Variants in OSBPL10 observed in about 807,000 individuals in gnomAD.
OSBPL10 encodes oxysterol-binding protein-related protein 10.
OSBPL10 carries 49 observed loss-of-function variants against 81.7 expected under a neutral mutation model. That is an observed-to-expected ratio of 0.60 (90% CI 0.48 to 0.76). The LOEUF is 0.76. Among genes scored for constraint, OSBPL10 ranks in the 30% least tolerant of loss-of-function variants. The probability of loss-of-function intolerance (pLI) is 0.00; values close to 1 mark genes in which losing one functional copy is unlikely to be tolerated. For missense variants in OSBPL10, 923 were observed against 987.8 expected (o/e 0.93, Z 0.88); for synonymous variants, 419 against 383.6 (o/e 1.09, Z -1.08).
chr3:31,869,753 T>G (rs1298348824), intron 3 of OSBPL10, among the ~76,000 whole-genome samples: 1 of 152,230 alleles, frequency 6.6e-6, no homozygotes, highest in African/African-American at 2.4e-5. Context: ...CAGCCTGTCA[T>G]TTAGGTTCAG....
chr3:31,788,368 T>C (rs1183588008), intron 4 of OSBPL10, among the ~76,000 whole-genome samples: 3 of 152,244 alleles, frequency 2.0e-5, no homozygotes, highest in African/African-American at 4.8e-5. Context: ...AAAGAAATGA[T>C]AGAAGCCTCA....
In OSBPL10 at chr3:31,830,058, C is replaced by G; in HGVS notation, c.711G>C (p.Gln237His). 1.2e-6 allele frequency: 2 copies of G among 1,613,314 alleles called. No homozygotes were observed. The highest frequency in any genetic ancestry group is 1.7e-6 in the Non-Finnish European group (2 of 1,179,846). ...ARRAKSQYSG[Q>H]LHEVREMMNQ... Reference sequence around the variant, plus strand: ...AGCCTACCTCTCTGACTTCGTGAAGCTGGCCGGAATACTGACTCTTGGCTC... The same window carrying G: ...AGCCTACCTCTCTGACTTCGTGAAGGTGGCCGGAATACTGACTCTTGGCTC... Residue 237 changes from glutamine (Q) to histidine (H), a missense_variant, in exon 4 of 12, where the codon CAG (glutamine) becomes CAC (histidine). Gln to His is a conservative substitution (Grantham distance 24). Coordinates refer to ENST00000396556, the MANE Select transcript of OSBPL10 (RefSeq NM_017784.5).
In OSBPL10 at chr3:32,039,573, C is replaced by T. The variant is rs1042771385; in HGVS notation, n.298+6918G>A. Among the ~76,000 whole-genome samples, 8 of 151,614 alleles carry T rather than the reference C, an allele frequency of 5.3e-5. No individual in the cohort carries two copies. The East Asian group carries it at 7.8e-4, about 15-fold the overall frequency. On this transcript the variant is annotated intron_variant and non_coding_transcript_variant, in intron 2 of 3. Coordinates refer to the OSBPL10 transcript ENST00000479173. The stretch of plus-strand genomic sequence containing the variant: ...TCCCGGGAGGCTAAGGCAGGAGAAT[C>T]GCTTGAACCTGGGAGGCAGAGATTG...
chr3:31,993,324 C>G (rs980474799), intron 2 of OSBPL10, among the ~76,000 whole-genome samples: 3 of 152,012 alleles, frequency 2.0e-5, no homozygotes, highest in African/African-American at 7.2e-5. Context: ...CTTCTCCTGC[C>G]TCAGCCTCCC....
chr3:31,909,829 G>T (rs754632073), intron 1 of OSBPL10, among the ~76,000 whole-genome samples: 2 of 152,020 alleles, frequency 1.3e-5, no homozygotes, highest in Non-Finnish European at 2.9e-5. Flanking sequence ...TAGCAGCTTT[G>T]AAACAAACCC....
intron 1 of OSBPL10, among the ~76,000 whole-genome samples, chr3:32,075,645 C>A (rs1219920111): frequency 6.6e-6 from 1 of 152,152 alleles, no homozygotes; most frequent in Non-Finnish European, 1.5e-5. Flanking sequence ...CACACAGCCC[C>A]TAATCCCGCT....
intron 4 of OSBPL10, among the ~76,000 whole-genome samples, chr3:31,812,748 AAG>A (rs1236887356): frequency 2.7e-4 from 10 of 37,718 alleles, no homozygotes; most frequent in African/African-American, 1.2e-3. Context: ...GAAAGAAAGA[AAG>A]AAAGAAAGAA....
chr3:31,801,629 T>G (rs139973451), intron 4 of OSBPL10, among the ~76,000 whole-genome samples: 1 of 152,272 alleles, frequency 6.6e-6, no homozygotes, highest in East Asian at 1.9e-4. Flanking sequence ...ACAAAAGATG[T>G]AGGTCCGTGT....
At chr3:31,892,671 CGG>C in intron 1 of OSBPL10, among the ~76,000 whole-genome samples, 1 of 152,156 alleles carries the variant, frequency 6.6e-6, no homozygotes, top group Non-Finnish European at 1.5e-5. Context: ...CAATGCTGAC[CGG>C]TAGTTCGACT....
At chr3:31,708,236 C>T (rs1022538375) in intron 6 of OSBPL10, among the ~76,000 whole-genome samples, 3 of 152,192 alleles carry the variant, frequency 2.0e-5, no homozygotes, top group Non-Finnish European at 2.9e-5. Context: ...CTGCACCCGA[C>T]CTTCAGTTCT....
At chr3:31,894,297 A>G (rs1695993169) in intron 1 of OSBPL10, among the ~76,000 whole-genome samples, 1 of 152,216 alleles carries the variant, frequency 6.6e-6, no homozygotes. Context: ...AAAGAGGAAC[A>G]AGGAGGACAA....
At chr3:31,736,772 C>T (rs77077264) in intron 5 of OSBPL10, among the ~76,000 whole-genome samples, 2,528 of 152,302 alleles carry the variant, frequency 0.017, 38 homozygotes, top group South Asian at 0.044. Context: ...CTGTTGTACA[C>T]GCCTGTAGTC....
intron 4 of OSBPL10, among the ~76,000 whole-genome samples, chr3:31,755,126 G>C (rs957761807): frequency 5.9e-5 from 9 of 152,148 alleles, no homozygotes; most frequent in Admixed American, 5.2e-4. Context: ...GGGACAGAAA[G>C]AGCTTCCCCA....
chr3:31,661,876 A>G lies in OSBPL10; in HGVS notation c.*196T>C, dbSNP rs1700078492. The G allele has an allele frequency of 2.8e-6, 2 of 724,714 alleles. No homozygotes were observed. The highest frequency in any genetic ancestry group is 3.6e-5 in the African/African-American group (2 of 55,856). The allele number at this position is 724,714 out of a possible 1,614,324, so 44.9% of individuals were successfully genotyped here. On this transcript the variant is annotated 3_prime_UTR_variant, in exon 12 of 12. Coordinates refer to ENST00000396556, the MANE Select transcript of OSBPL10 (RefSeq NM_017784.5). ...CGGTGTGTACACACACGTGCCCCGAATGGCTCTTGAATAAATTCATTCCTC... is the reference window on the plus strand; with the variant it reads ...CGGTGTGTACACACACGTGCCCCGAGTGGCTCTTGAATAAATTCATTCCTC...
intron 2 of OSBPL10, among the ~76,000 whole-genome samples, chr3:32,001,165 T>C (rs888312508): frequency 1.3e-5 from 2 of 152,154 alleles, no homozygotes; most frequent in African/African-American, 4.8e-5. Context: ...AGCTCCCTCA[T>C]TGTTTCAGGT....
chr3:31,928,335 G>C (rs1174182340), intron 1 of OSBPL10, among the ~76,000 whole-genome samples: 2 of 152,134 alleles, frequency 1.3e-5, no homozygotes, highest in Non-Finnish European at 2.9e-5. Flanking sequence ...ACAGTTTCAA[G>C]AATGACTCAT....
At chr3:31,935,500 C>T (rs890366074) in intron 1 of OSBPL10, among the ~76,000 whole-genome samples, 3 of 150,300 alleles carry the variant, frequency 2.0e-5, no homozygotes, top group African/African-American at 7.4e-5. Flanking sequence ...AAAAAATCTA[C>T]TCCTATGAAA....
At chr3:31,908,595 A>G (rs1696485694) in intron 1 of OSBPL10, among the ~76,000 whole-genome samples, 1 of 152,178 alleles carries the variant, frequency 6.6e-6, no homozygotes, top group Admixed American at 6.5e-5. Context: ...TGTCGGATGT[A>G]GTTCACTAGT....
intron 6 of OSBPL10, among the ~76,000 whole-genome samples, chr3:31,712,369 T>C (rs1285621663): frequency 6.6e-6 from 1 of 152,196 alleles, no homozygotes; most frequent in South Asian, 2.1e-4. Context: ...TACGGCACTT[T>C]AAGTGACAAG....
Sources: gnomAD v4.1 joint callset for allele counts (sites outside exome capture counted in the v4.1 genomes callset) on GRCh38, gnomAD v4.1.1 for gene constraint, MANE v1.5 for transcripts, NCBI Gene and HGNC (gene_info 2026-07-23, HGNC 2026-07-21) for gene names.